The following TTC39A variants were observed in gnomAD, a reference collection of about 807,000 sequenced individuals.
The protein encoded by TTC39A is tetratricopeptide repeat protein 39A.
TTC39A carries 46 observed loss-of-function variants against 82.3 expected under a neutral mutation model. The ratio of observed to expected loss-of-function variants is 0.56; its 90% CI spans 0.44 to 0.71. The LOEUF is 0.71. Among genes scored for constraint, TTC39A ranks in the 30% least tolerant of loss-of-function variants. The probability of loss-of-function intolerance (pLI) is 0.00; values close to 1 mark genes in which losing one functional copy is unlikely to be tolerated. For missense variants in TTC39A, 543 were observed against 712.9 expected (o/e 0.76, Z 2.71); for synonymous variants, 254 against 275.2 (o/e 0.92, Z 0.76).
intron 2 of TTC39A, among the ~76,000 whole-genome samples, chr1:51,315,559 C>A (rs761911163): frequency 6.6e-6 from 1 of 152,130 alleles, no homozygotes; most frequent in Admixed American, 6.5e-5. Context: ...CACTGAAGCT[C>A]CCCCTACTCC....
intron 8 of TTC39A, among the ~76,000 whole-genome samples, chr1:51,304,421 T>C (rs1644795424): frequency 1.3e-5 from 2 of 152,152 alleles, no homozygotes; most frequent in African/African-American, 4.8e-5. Context: ...CTTATTTTAC[T>C]AAAAAGAGGC....
intron 2 of TTC39A, among the ~76,000 whole-genome samples, chr1:51,320,416 C>CTTTTT (rs57261779): frequency 4.3e-3 from 335 of 78,378 alleles, no homozygotes; most frequent in Middle Eastern, 7.5e-3. Context: ...TTTTCTTTTT[C>CTTTTT]TTTTTTTTTT....
upstream of TTC39A, among the ~76,000 whole-genome samples, chr1:51,333,912 A>G (rs1349150801): frequency 6.6e-6 from 1 of 152,198 alleles, no homozygotes; most frequent in Non-Finnish European, 1.5e-5. Flanking sequence ...GCTGACACAC[A>G]TCACAGGCTT....
At chr1:51,325,989 C>T (rs1645699687) in intron 1 of TTC39A, 1 of 152,484 alleles carries the variant, frequency 6.6e-6, no homozygotes. Context: ...GAGCTGAGCC[C>T]TGGGCTGATT....
At chr1:51,315,016 A>C (rs980342285) in intron 2 of TTC39A, among the ~76,000 whole-genome samples, 1 of 151,584 alleles carries the variant, frequency 6.6e-6, no homozygotes, top group East Asian at 2.0e-4. Flanking sequence ...CCCATCCCCC[A>C]GATAACACCC....
In TTC39A at chr1:51,288,430, A is replaced by G. The variant is rs1457251523; in HGVS notation, c.1611-150T>C. On this transcript the variant is annotated intron_variant, in intron 17 of 17. Coordinates refer to ENST00000680483, the MANE Select transcript of TTC39A (RefSeq NM_001297663.2). This position sits in a 1 kb window ranked among gnomAD's most constrained non-coding sequence, Gnocchi z 4.8. ...AGAGTTGAGCCCTACCCAATGGGAGAGTTAACCAGAAGGGTTTGTGGCCCC... is the reference window on the plus strand; with the variant it reads ...AGAGTTGAGCCCTACCCAATGGGAGGGTTAACCAGAAGGGTTTGTGGCCCC... The G allele has an allele frequency of 7.5e-6, 10 of 1,330,704 alleles. No homozygotes were observed. The East Asian group carries it at 2.5e-4, about 33-fold the overall frequency. 82.4% of individuals were successfully genotyped at this position (1,330,704 alleles called of 1,614,324 possible). A position where few individuals can be genotyped will look rare whatever the true frequency, so the allele number is the denominator to read the frequency against.
intron 11 of TTC39A, chr1:51,302,144 C>A: frequency 1.3e-6 from 1 of 741,898 alleles, no homozygotes; most frequent in South Asian, 1.5e-5. Context: ...CAGTCAAAAT[C>A]CCAGGCACCA....
At chr1:51,320,613 A>C (rs1252475814) in intron 2 of TTC39A, among the ~76,000 whole-genome samples, 1 of 149,616 alleles carries the variant, frequency 6.7e-6, no homozygotes, top group Non-Finnish European at 1.5e-5. Flanking sequence ...CACCACACCC[A>C]GCTAATTTTT....
rs368894146 is a variant in TTC39A at position 51,290,047 on chromosome 1, C to T, written c.1451G>A (p.Arg484His). The T allele has an allele frequency of 1.0e-4, 162 of 1,613,890 alleles. No individual in the cohort carries two copies. Among genetic ancestry groups the T allele is most frequent in the Middle Eastern group, 1.6e-4 (1 of 6,062 alleles). The change falls in exon 16 of 18, where the codon CGT (arginine) becomes CAT (histidine). Residue 484 changes from arginine (R) to histidine (H), a missense_variant. Physicochemically the swap from Arg to His is conservative, Grantham distance 29. Coordinates refer to ENST00000680483, the MANE Select transcript of TTC39A (RefSeq NM_001297663.2). ...LKGLCLKYLG[R>H]VQEAEENFRS... ...AAAATTCTCCTCGGCCTCCTGGACA[C>T]GGCCCAGGTATTTCAGACACAGGCC...
intron 4 of TTC39A, among the ~76,000 whole-genome samples, chr1:51,311,764 C>T (rs533452037): frequency 5.9e-5 from 9 of 152,366 alleles, no homozygotes; most frequent in Admixed American, 4.6e-4. Context: ...CCATATTCCC[C>T]TCTGGGGCCC....
chr1:51,312,783 C>A (rs1441137585), intron 3 of TTC39A, 29 bp downstream of exon 3: 1 of 1,608,314 alleles, frequency 6.2e-7, no homozygotes. Context: ...GCCTCCCAAC[C>A]TCTGATCCCT....
At chr1:51,328,653 G>C (rs1645801123) in intron 1 of TTC39A, among the ~76,000 whole-genome samples, 1 of 152,150 alleles carries the variant, frequency 6.6e-6, no homozygotes, top group African/African-American at 2.4e-5. Context: ...ACTTTCAAGG[G>C]TCTCTACTAT....
At chr1:51,316,060 A>T (rs1236393371) in intron 2 of TTC39A, among the ~76,000 whole-genome samples, 1 of 152,110 alleles carries the variant, frequency 6.6e-6, no homozygotes, top group East Asian at 1.9e-4. Context: ...CCTTTCCCAC[A>T]GGAAATGGGG....
chr1:51,302,591 G>A lies in TTC39A; in HGVS notation c.764-18C>T, dbSNP rs540804939. On this transcript the variant is annotated intron_variant, in intron 9 of 17. Transcript: ENST00000680483. ...CCCAGTACCTGGAGGAGATGGTGGG[G>A]GAGACACAGAACATGTCACCACCCC... The A allele has an allele frequency of 1.7e-4, 263 of 1,589,720 alleles. 1 individual carries two copies. In the Admixed American group the frequency reaches 4.7e-3, roughly 28 times the overall value.
intron 13 of TTC39A, chr1:51,295,799 C>CCA (rs1292944477): frequency 5.8e-6 from 3 of 517,856 alleles, no homozygotes; most frequent in African/African-American, 5.7e-5. Context: ...GTCCTACTGT[C>CCA]CACATGAAAG....
intron 2 of TTC39A, among the ~76,000 whole-genome samples, chr1:51,313,382 G>A (rs566585070): frequency 2.6e-5 from 4 of 152,032 alleles, no homozygotes; most frequent in South Asian, 2.1e-4. Context: ...CCCCTGGGCC[G>A]CCCTCAACCT....
chr1:51,328,516 G>T (rs1473592361), intron 1 of TTC39A, among the ~76,000 whole-genome samples: 2 of 152,096 alleles, frequency 1.3e-5, no homozygotes, highest in African/African-American at 4.8e-5. Context: ...AAACTTTGAA[G>T]AACAAACTAC....
In TTC39A at chr1:51,288,325, A is replaced by G. The variant is rs1279609495; in HGVS notation, c.1611-45T>C. On this transcript the variant is annotated intron_variant, in intron 17 of 17. Transcript: ENST00000680483. This position sits in a 1 kb window ranked among gnomAD's most constrained non-coding sequence, Gnocchi z 4.8. ...CAGACACATGAGGCTGCCTGCTCCC[A>G]GAGATGCTTTTCCTCCTGTTTGAGC... The G allele has an allele frequency of 6.2e-7, 1 of 1,612,846 alleles. No homozygotes were observed. The highest frequency in any genetic ancestry group is 8.5e-7 in the Non-Finnish European group (1 of 1,179,210).
intron 2 of TTC39A, among the ~76,000 whole-genome samples, chr1:51,317,301 G>C (rs559609677): frequency 6.6e-6 from 1 of 152,336 alleles, no homozygotes; most frequent in Admixed American, 6.5e-5. Flanking sequence ...AGCAAGAATT[G>C]TTTTCTCTAG....
Sources: allele counts gnomAD v4.1 joint callset (sites outside exome capture counted in the v4.1 genomes callset), GRCh38; gene constraint gnomAD v4.1.1; non-coding constraint Gnocchi (gnomAD v3.1); transcripts MANE v1.5; gene names NCBI Gene and HGNC (gene_info 2026-07-23, HGNC 2026-07-21).